DOCK8: variants seen among roughly 807,000 people sequenced by gnomAD.
DOCK8 encodes the protein dedicator of cytokinesis 8, also known as dedicator of cytokinesis protein 8.
In DOCK8, 141 loss-of-function variants were observed where a neutral mutation model predicts 245.6. That is an observed-to-expected ratio of 0.57 (90% CI 0.50 to 0.66). The LOEUF (loss-of-function observed/expected upper bound fraction) is 0.66. Among genes scored for constraint, DOCK8 ranks in the 30% least tolerant of loss-of-function variants. The pLI is 0.00. For synonymous variants in DOCK8, 1,168 were observed against 970.2 expected (o/e 1.20, Z -3.79); for missense variants, 2,965 against 2,603.4 (o/e 1.14, Z -3.02).
intron 24 of DOCK8, among the ~76,000 whole-genome samples, chr9:395,328 G>T (rs565364562): frequency 4.6e-5 from 7 of 152,274 alleles, no homozygotes; most frequent in East Asian, 1.9e-4. Flanking sequence ...TGTGTCTCTG[G>T]TTTTTTCTTA....
intron 14 of DOCK8, among the ~76,000 whole-genome samples, chr9:350,639 C>T (rs1441347655): frequency 1.3e-5 from 2 of 152,190 alleles, no homozygotes; most frequent in African/African-American, 4.8e-5. Flanking sequence ...TTGATGGCTG[C>T]TTCCTCTTTT....
intron 1 of DOCK8, among the ~76,000 whole-genome samples, chr9:219,339 T>G (rs1011098027): frequency 6.6e-6 from 1 of 151,952 alleles, no homozygotes; most frequent in African/African-American, 2.4e-5. Context: ...GGTGTAGTGG[T>G]GTGCACCTGT....
At chr9:326,315 T>G (rs1337782248) in intron 8 of DOCK8, among the ~76,000 whole-genome samples, 2 of 152,192 alleles carry the variant, frequency 1.3e-5, no homozygotes, top group Non-Finnish European at 2.9e-5. Context: ...CATTCTGTAT[T>G]TAAGGAAACA....
At chr9:352,731 A>T (rs1426600482) in intron 14 of DOCK8, among the ~76,000 whole-genome samples, 1 of 71,972 alleles carries the variant, frequency 1.4e-5, no homozygotes, top group African/African-American at 4.7e-5. Flanking sequence ...ACAGTGTGAG[A>T]CTCTGTCTCA....
chr9:457,101 G>A (rs72705634), intron 46 of DOCK8: 4,323 of 152,280 alleles, frequency 0.028, 85 homozygotes, highest in Non-Finnish European at 0.046. Flanking sequence ...ACAACCAAAT[G>A]TGTAGAGTGT....
At chr9:300,884 A>G (rs542196844) in intron 4 of DOCK8, among the ~76,000 whole-genome samples, 4 of 152,168 alleles carry the variant, frequency 2.6e-5, no homozygotes, top group Non-Finnish European at 5.9e-5. Flanking sequence ...CCTTAATCAG[A>G]TGGATTCACA....
At chr9:441,460 A>C (rs766767597) in intron 41 of DOCK8, 43 bp downstream of exon 41, 2 of 1,613,522 alleles carry the variant, frequency 1.2e-6, no homozygotes, top group Admixed American at 3.3e-5. Flanking sequence ...ACCTGGTGGC[A>C]GGCGACCCTG....
chr9:239,654 G>A (rs2047336303), intron 1 of DOCK8, among the ~76,000 whole-genome samples: 1 of 152,082 alleles, frequency 6.6e-6, no homozygotes, highest in African/African-American at 2.4e-5. Flanking sequence ...TTATAGAAAA[G>A]TCAGAAGTGC....
intron 46 of DOCK8, chr9:456,830 A>G (rs938986443): frequency 7.9e-5 from 12 of 152,286 alleles, no homozygotes; most frequent in Admixed American, 7.8e-4. Flanking sequence ...TTTCTTCTTT[A>G]TACTTATCTG....
chr9:215,241 A>G (rs1277390509), intron 1 of DOCK8: 1 of 1,582,848 alleles, frequency 6.3e-7, no homozygotes. Flanking sequence ...GGTCCTCCCC[A>G]AGAATCTCGG....
chr9:376,442 G>A, intron 19 of DOCK8, 137 bp downstream of exon 19: 9 of 741,442 alleles, frequency 1.2e-5, no homozygotes, highest in Non-Finnish European at 1.9e-5. Flanking sequence ...GTGGGGACAT[G>A]CAAACCTCTT....
At chr9:248,678 G>C (rs547858664) in intron 1 of DOCK8, among the ~76,000 whole-genome samples, 1 of 152,054 alleles carries the variant, frequency 6.6e-6, no homozygotes, top group East Asian at 1.9e-4. Context: ...ATACTGGCAT[G>C]AGTGATGCCA....
intron 2 of DOCK8, 54 bp downstream of exon 2, chr9:271,783 G>T: frequency 7.6e-7 from 1 of 1,307,642 alleles, no homozygotes; most frequent in Non-Finnish European, 1.1e-6. Flanking sequence ...AAAGTGCCCA[G>T]GGTATGTGTT....
chr9:309,840 C>G (rs1055786833), intron 5 of DOCK8, among the ~76,000 whole-genome samples: 5 of 152,200 alleles, frequency 3.3e-5, no homozygotes, highest in Non-Finnish European at 7.3e-5. Context: ...GTTTCAAAAA[C>G]CAAGTTCTGA....
intron 4 of DOCK8, among the ~76,000 whole-genome samples, chr9:299,173 T>C (rs1276465913): frequency 6.6e-5 from 10 of 151,952 alleles, no homozygotes; most frequent in African/African-American, 2.4e-4. Flanking sequence ...ATCACACAGA[T>C]TTTTTTTTCT....
At chr9:231,310 T>C (rs1428703929) in intron 1 of DOCK8, among the ~76,000 whole-genome samples, 2 of 152,176 alleles carry the variant, frequency 1.3e-5, no homozygotes, top group Non-Finnish European at 2.9e-5. Flanking sequence ...TGTAGCCTTG[T>C]AGTATAGTTT....
intron 36 of DOCK8, 144 bp from the exon 37 acceptor site, chr9:432,022 A>G (rs1342313461): frequency 1.2e-5 from 10 of 815,776 alleles, no homozygotes; most frequent in South Asian, 3.1e-5. Flanking sequence ...TGTAGCTCCC[A>G]TTTCATTGAG....
intron 15 of DOCK8, chr9:368,403 C>T (rs1047101954): frequency 7.5e-6 from 5 of 663,176 alleles, no homozygotes; most frequent in Non-Finnish European, 1.4e-5. Flanking sequence ...TCTTTCCATA[C>T]TGCCCATAGG....
Position 259,268 on chromosome 9 carries a change from A to C in DOCK8, c.54-12359A>C, listed in dbSNP as rs1315147400. ...CAGTGAGCTGTGATCTCGCCACTGC[A>C]CTCAGCCTGGGTGACAGAGCAAGAC... On this transcript the variant is annotated intron_variant, in intron 1 of 47. Transcript: ENST00000432829. 2.0e-5 allele frequency among the ~76,000 whole-genome samples: 3 copies of C among 152,230 alleles called. No homozygotes were observed. In the East Asian group the frequency reaches 5.8e-4, roughly 29 times the overall value.
Sources: allele counts gnomAD v4.1 joint callset (sites outside exome capture counted in the v4.1 genomes callset), GRCh38; gene constraint gnomAD v4.1.1; transcripts MANE v1.5; gene names NCBI Gene and HGNC (gene_info 2026-07-23, HGNC 2026-07-21).